Variants in POLN observed in about 807,000 individuals in gnomAD.
POLN encodes DNA polymerase N.
Under a neutral mutation model 113.5 loss-of-function variants are expected in POLN, and 108 were observed. The observed-to-expected ratio is 0.95, with a 90% CI of 0.81 to 1.12. POLN has a LOEUF of 1.12. Among genes scored for constraint, POLN ranks in the 50% most tolerant of loss-of-function variants. POLN has a pLI of 0.00. For synonymous variants in POLN, 386 were observed against 391.5 expected (o/e 0.99, Z 0.17); for missense variants, 1,097 against 1,077.1 (o/e 1.02, Z -0.26).
Position 2,117,887 on chromosome 4 carries a change from C to T in POLN, c.1982+10226G>A, listed in dbSNP as rs28526145. ...GAATTTGCTTTCCTTGGGGAATGAG[C>T]GTATTTCCCAGGCTGTTTCCTGCCT... On this transcript the variant is annotated intron_variant, in intron 19 of 25. Transcript: ENST00000511885. Among the ~76,000 whole-genome samples, 580 of 152,310 alleles carry T rather than the reference C, an allele frequency of 3.8e-3. 5 individuals carry two copies. The highest frequency in any genetic ancestry group is 0.013 in the African/African-American group (544 of 41,570).
rs1051341121 is a variant in POLN, at chr4:2,241,577, A to C, written c.-70T>G. ...AGAGTCCACCACCGCGACGCGGAGA[A>C]CAGCAGGAGCAGCAGGGAAGCGCGC... On this transcript the variant is annotated 5_prime_UTR_variant, in exon 2 of 26. Transcript: ENST00000511885. The C allele has an allele frequency of 1.2e-5, 12 of 985,666 alleles. No homozygotes were observed. The highest frequency in any genetic ancestry group is 1.4e-5 in the Non-Finnish European group (12 of 830,216). The allele number at this position is 985,666 out of a possible 1,614,324, so 61.1% of individuals were successfully genotyped here.
At chr4:2,240,847 C>T (rs751711226) in intron 2 of POLN, 3 of 1,613,168 alleles carry the variant, frequency 1.9e-6, no homozygotes, top group Middle Eastern at 1.6e-4. Context: ...TCATCTTCAA[C>T]GCCCTCAAAC....
intron 24 of POLN, 105 bp from the exon 25 acceptor site, chr4:2,073,134 G>T: frequency 3.6e-6 from 4 of 1,112,062 alleles, no homozygotes; most frequent in Non-Finnish European, 5.3e-6. Flanking sequence ...CGGCCCCTGA[G>T]CCCCCTTGTT....
chr4:2,130,744 T>G (rs544697723), intron 17 of POLN, among the ~76,000 whole-genome samples: 1 of 152,198 alleles, frequency 6.6e-6, no homozygotes, highest in Non-Finnish European at 1.5e-5. Context: ...ACTTGTAAAC[T>G]GCTAACAGGG....
chr4:2,241,009 T>C, intron 2 of POLN: 2 of 1,273,952 alleles, frequency 1.6e-6, no homozygotes, highest in South Asian at 2.7e-5. Context: ...TTTTAGAAAA[T>C]AAATCCAAGC....
chr4:2,219,754 A>C (rs1422026656), intron 3 of POLN, among the ~76,000 whole-genome samples: 1 of 151,950 alleles, frequency 6.6e-6, no homozygotes, highest in Non-Finnish European at 1.5e-5. Context: ...CTGGCTTTTC[A>C]TGCCTTCTTT....
At chr4:2,115,762 G>A (rs1442468643) in intron 19 of POLN, among the ~76,000 whole-genome samples, 3 of 152,302 alleles carry the variant, frequency 2.0e-5, no homozygotes, top group South Asian at 2.1e-4. Flanking sequence ...AATCTGACCC[G>A]TAACTGGGCT....
At chr4:2,083,129 C>T (rs1288543183) in intron 21 of POLN, 1 of 152,152 alleles carries the variant, frequency 6.6e-6, no homozygotes, top group African/African-American at 2.4e-5. Context: ...AGTCCCGTAG[C>T]GTTTCACTCA....
chr4:2,238,555 G>T, intron 2 of POLN: 2 of 1,270,896 alleles, frequency 1.6e-6, no homozygotes, highest in Non-Finnish European at 2.1e-6. Context: ...CTAGTATTTC[G>T]CAAAAACAAA....
chr4:2,180,307 G>A (rs1427232297), intron 7 of POLN, among the ~76,000 whole-genome samples: 2 of 152,214 alleles, frequency 1.3e-5, no homozygotes, highest in Non-Finnish European at 2.9e-5. Context: ...AAAGGCTGGG[G>A]AGGTGGGGCG....
At chr4:2,186,861 C>T (rs1184402717) in intron 7 of POLN, among the ~76,000 whole-genome samples, 2 of 152,158 alleles carry the variant, frequency 1.3e-5, no homozygotes, top group East Asian at 3.8e-4. Flanking sequence ...ACTCAGTGAT[C>T]TCTAAAATAA....
intron 13 of POLN, among the ~76,000 whole-genome samples, chr4:2,163,755 C>A (rs1041666828): frequency 1.3e-4 from 20 of 152,234 alleles, no homozygotes; most frequent in African/African-American, 4.8e-4. Flanking sequence ...AATCTCCGGG[C>A]AGGGCAGAGG....
At chr4:2,173,607 A>AGTATTT (rs1208084860) in intron 11 of POLN, among the ~76,000 whole-genome samples, 5 of 152,060 alleles carry the variant, frequency 3.3e-5, no homozygotes, top group South Asian at 4.1e-4. Flanking sequence ...AGCATTTTTA[A>AGTATTT]GTATTTTTTC....
At chr4:2,080,252 C>T (rs1420917703) in intron 23 of POLN, 55 of 987,740 alleles carry the variant, frequency 5.6e-5, no homozygotes, top group Admixed American at 1.2e-4. Context: ...GGTGGCTGGG[C>T]GAGGGCTGCT....
At chr4:2,179,657 C>G (rs1200428086) in intron 7 of POLN, among the ~76,000 whole-genome samples, 192 bp from the exon 8 acceptor site, 1 of 152,090 alleles carries the variant, frequency 6.6e-6, no homozygotes, top group Non-Finnish European at 1.5e-5. Flanking sequence ...TCGATGAACC[C>G]AAGTCCCACA....
intron 19 of POLN, among the ~76,000 whole-genome samples, chr4:2,104,799 T>C (rs1355392065): frequency 6.6e-6 from 1 of 152,176 alleles, no homozygotes; most frequent in African/African-American, 2.4e-5. Context: ...ATGAATAGAC[T>C]GTGGCCTCAG....
intron 7 of POLN, among the ~76,000 whole-genome samples, chr4:2,190,023 CAAA>C (rs58730240): frequency 1.2e-5 from 1 of 86,128 alleles, no homozygotes; most frequent in Non-Finnish European, 2.9e-5. Context: ...GACTCCATCT[CAAA>C]AAAAAAAAAA....
At chr4:2,120,042 T>C (rs1731404070) in intron 19 of POLN, among the ~76,000 whole-genome samples, 1 of 152,190 alleles carries the variant, frequency 6.6e-6, no homozygotes. Flanking sequence ...CATTACAACT[T>C]TGTCAAAAAT....
At chr4:2,196,461 T>C (rs139201428) in intron 6 of POLN, among the ~76,000 whole-genome samples, 3 of 152,100 alleles carry the variant, frequency 2.0e-5, no homozygotes, top group East Asian at 1.9e-4. Flanking sequence ...TCCTCCAAGA[T>C]AGGGAGAGGG....
Sources: allele counts gnomAD v4.1 joint callset (sites outside exome capture counted in the v4.1 genomes callset), GRCh38; gene constraint gnomAD v4.1.1; transcripts MANE v1.5; gene names NCBI Gene and HGNC (gene_info 2026-07-23, HGNC 2026-07-21).